The following MGLL variants were observed in gnomAD, a reference collection of about 807,000 sequenced individuals.
MGLL encodes the protein monoglyceride lipase, also known as lysophospholipase homolog.
In MGLL, 7 loss-of-function variants were observed where a neutral mutation model predicts 29.1. The observed-to-expected ratio is 0.24, with a 90% CI of 0.14 to 0.45. MGLL has a LOEUF of 0.45. Among genes scored for constraint, MGLL ranks in the 20% least tolerant of loss-of-function variants. The probability of loss-of-function intolerance (pLI) is 0.99; values close to 1 mark genes in which losing one functional copy is unlikely to be tolerated. For missense variants in MGLL, 356 were observed against 413.6 expected, an observed-to-expected ratio of 0.86 and a Z score of 1.21; for synonymous variants, 148 against 168.3, an observed-to-expected ratio of 0.88 and a Z score of 0.93.
At chr3:127,778,756 A>G (rs961784000) in intron 3 of MGLL, among the ~76,000 whole-genome samples, 2 of 151,708 alleles carry the variant, frequency 1.3e-5, no homozygotes, top group Admixed American at 1.3e-4. Context: ...GTTTTATTTA[A>G]TTTTTTTTCT....
At chr3:127,806,078 G>T (rs536293722) in intron 2 of MGLL, among the ~76,000 whole-genome samples, 3 of 152,316 alleles carry the variant, frequency 2.0e-5, no homozygotes, top group South Asian at 4.1e-4. Flanking sequence ...GCCCATCTTT[G>T]TTCTGGTGCA....
chr3:127,774,346 G>A (rs916764683), intron 3 of MGLL, among the ~76,000 whole-genome samples: 2 of 152,174 alleles, frequency 1.3e-5, no homozygotes, highest in African/African-American at 4.8e-5. Context: ...CCCTCTCCCT[G>A]GCAGCCTCCT....
At chr3:127,789,072 C>T (rs888057155) in intron 2 of MGLL, among the ~76,000 whole-genome samples, 1 of 152,102 alleles carries the variant, frequency 6.6e-6, no homozygotes, top group Non-Finnish European at 1.5e-5. Context: ...TATCCAAACG[C>T]TCCACTGGAG....
chr3:127,792,972 A>G (rs1196978780), intron 2 of MGLL, among the ~76,000 whole-genome samples: 1 of 152,200 alleles, frequency 6.6e-6, no homozygotes, highest in Non-Finnish European at 1.5e-5. Context: ...GCAGAAACTG[A>G]AGGGTTCCAA....
intron 2 of MGLL, 80 bp downstream of exon 2, chr3:127,821,614 A>T (rs1209697812): frequency 1.3e-6 from 2 of 1,549,736 alleles, no homozygotes; most frequent in African/African-American, 2.7e-5. Flanking sequence ...CCCGCCCCAG[A>T]TGGCACATGA....
chr3:127,729,382 C>A (rs1027277464), intron 3 of MGLL, among the ~76,000 whole-genome samples: 1 of 152,162 alleles, frequency 6.6e-6, no homozygotes, highest in African/African-American at 2.4e-5. Flanking sequence ...TCATCCATCT[C>A]TAGATAGTTT....
At chr3:127,712,512 A>G (rs913276322) in intron 5 of MGLL, 1 of 152,256 alleles carries the variant, frequency 6.6e-6, no homozygotes, top group African/African-American at 2.4e-5. Flanking sequence ...GAAATCAGTA[A>G]TTCCTTCTTA....
chr3:127,743,968 C>T (rs2076394070), intron 3 of MGLL, among the ~76,000 whole-genome samples: 1 of 152,122 alleles, frequency 6.6e-6, no homozygotes, highest in African/African-American at 2.4e-5. Context: ...AGGATGTCTC[C>T]CTTTGTGGCT....
intron 3 of MGLL, among the ~76,000 whole-genome samples, chr3:127,742,813 G>A (rs2076368779): frequency 6.6e-6 from 1 of 152,158 alleles, no homozygotes; most frequent in South Asian, 2.1e-4. Context: ...CCTGATTGCA[G>A]GAAGAGACCA....
chr3:127,769,768 A>C (rs2076918906), intron 3 of MGLL, among the ~76,000 whole-genome samples: 1 of 152,204 alleles, frequency 6.6e-6, no homozygotes, highest in Admixed American at 6.5e-5. Context: ...AGTTTCAATA[A>C]ATACTTGCTG....
chr3:127,698,009 G>C (rs1266272781), intron 6 of MGLL, among the ~76,000 whole-genome samples: 1 of 152,236 alleles, frequency 6.6e-6, no homozygotes, highest in African/African-American at 2.4e-5. Flanking sequence ...AGTGTCCTGG[G>C]CACAGCAGGC....
chr3:127,706,588 C>T (rs796967215), intron 6 of MGLL, among the ~76,000 whole-genome samples: 20 of 152,320 alleles, frequency 1.3e-4, no homozygotes, highest in African/African-American at 4.6e-4. Flanking sequence ...CTCGCCACCA[C>T]CCCACATGGA....
intron 3 of MGLL, among the ~76,000 whole-genome samples, chr3:127,745,051 A>G (rs1246483586): frequency 6.6e-6 from 1 of 152,236 alleles, no homozygotes; most frequent in Admixed American, 6.5e-5. Context: ...AGGCAATGGC[A>G]TCAGATCCGG....
intron 3 of MGLL, among the ~76,000 whole-genome samples, chr3:127,753,549 G>A (rs558022875): frequency 3.3e-5 from 5 of 152,340 alleles, no homozygotes; most frequent in East Asian, 1.9e-4. Context: ...GTCAACTGAC[G>A]TGCTGGGCGC....
At chr3:127,696,924 C>G (rs1219946230) in intron 6 of MGLL, among the ~76,000 whole-genome samples, 1 of 152,218 alleles carries the variant, frequency 6.6e-6, no homozygotes, top group Non-Finnish European at 1.5e-5. Context: ...TCTGCTGCCA[C>G]CCCTACAAGG....
At chr3:127,801,159 A>G (rs1036696803) in intron 2 of MGLL, among the ~76,000 whole-genome samples, 12 of 151,814 alleles carry the variant, frequency 7.9e-5, no homozygotes, top group African/African-American at 2.9e-4. Flanking sequence ...AAAACTAGCC[A>G]GGCCTGATGG....
intron 2 of MGLL, among the ~76,000 whole-genome samples, chr3:127,796,649 G>T (rs2077387430): frequency 6.6e-6 from 1 of 152,182 alleles, no homozygotes; most frequent in Non-Finnish European, 1.5e-5. Context: ...TCAAAACAGT[G>T]ATGTACTGCA....
intron 2 of MGLL, among the ~76,000 whole-genome samples, chr3:127,802,883 C>T (rs1343842076): frequency 6.6e-6 from 1 of 152,178 alleles, no homozygotes; most frequent in African/African-American, 2.4e-5. Context: ...CCACAGCTGT[C>T]CCAAGATTCT....
intron 3 of MGLL, among the ~76,000 whole-genome samples, chr3:127,742,511 G>A (rs866472048): frequency 1.4e-5 from 2 of 141,340 alleles, no homozygotes; most frequent in Non-Finnish European, 3.0e-5. Context: ...ACTCGCTTGA[G>A]CCCAAGAGGC....
Sources: gnomAD v4.1 joint callset for allele counts (sites outside exome capture counted in the v4.1 genomes callset) on GRCh38, gnomAD v4.1.1 for gene constraint, MANE v1.5 for transcripts, NCBI Gene and HGNC (gene_info 2026-07-23, HGNC 2026-07-21) for gene names.